The following RIC8B variants were observed in gnomAD, a reference collection of about 807,000 sequenced individuals.
RIC8B encodes RIC8 guanine nucleotide exchange factor B, also known as chaperone Ric-8B.
A neutral mutation model predicts 57.5 loss-of-function variants in RIC8B; 16 were observed. The ratio of observed to expected loss-of-function variants is 0.28; its 90% confidence interval spans 0.19 to 0.42. The LOEUF is 0.42. Among genes scored for constraint, RIC8B ranks in the 10% least tolerant of loss-of-function variants. RIC8B has a pLI of 1.00. For missense variants in RIC8B, 481 were observed against 677.0 expected, an observed-to-expected ratio of 0.71 and a Z score of 3.21; for synonymous variants, 216 against 250.8, an observed-to-expected ratio of 0.86 and a Z score of 1.31.
rs562335743 is a variant in RIC8B at position 106,860,395 on chromosome 12, C to T, written c.1434C>T (p.Tyr478=). The T allele has an allele frequency of 2.5e-6, 4 of 1,569,980 alleles. No individual in the cohort carries two copies. The highest frequency in any genetic ancestry group is 4.7e-5 in the East Asian group (2 of 42,216). Residue 478 remains tyrosine, a synonymous_variant, in exon 8 of 10, where the codon TAC becomes TAT. Coordinates refer to ENST00000392837, the MANE Select transcript of RIC8B (RefSeq NM_001330145.2). ...SEDEDTDTEE[Y]KNAKPNINLI... ...ATGAGGACACAGACACTGAAGAATACAAAAATGCAAAACCAAAGTATAGTA... is the reference window on the plus strand; with the variant it reads ...ATGAGGACACAGACACTGAAGAATATAAAAATGCAAAACCAAAGTATAGTA...
intron 2 of RIC8B, among the ~76,000 whole-genome samples, chr12:106,797,413 G>T (rs542199777): frequency 1.4e-4 from 21 of 152,166 alleles, no homozygotes; most frequent in Non-Finnish European, 2.4e-4. Flanking sequence ...GCCACAGATT[G>T]TATGATTTTA....
chr12:106,832,034 C>G (rs942837866), intron 4 of RIC8B, among the ~76,000 whole-genome samples: 1 of 152,154 alleles, frequency 6.6e-6, no homozygotes, highest in Non-Finnish European at 1.5e-5. Context: ...CTTGCTCTGT[C>G]TACTGCGTGG....
In RIC8B at chr12:106,883,739, T is replaced by G. The variant is rs770584148; in HGVS notation, c.1572-2165T>G. 1.5e-3 allele frequency among the ~76,000 whole-genome samples: 227 copies of G among 152,132 alleles called. 1 individual carries two copies. Among genetic ancestry groups the G allele is most frequent in the Middle Eastern group, 3.4e-3 (1 of 294 alleles). ...TGACCCCCCTAATGACTTGTCTATC[T>G]GCCACCAATTCCAATGTGTCTATCA... On this transcript the variant is annotated intron_variant, in intron 9 of 9. Transcript: ENST00000392837.
chr12:106,797,787 A>G (rs7306633), intron 2 of RIC8B, among the ~76,000 whole-genome samples: 1,995 of 152,274 alleles, frequency 0.013, 53 homozygotes, highest in African/African-American at 0.046. Flanking sequence ...AATTTTGCTT[A>G]TTTTACAGAT....
At chr12:106,851,659 T>G (rs184511390) in intron 7 of RIC8B, 65 bp downstream of exon 7, 35 of 1,379,974 alleles carry the variant, frequency 2.5e-5, no homozygotes, top group Non-Finnish European at 7.1e-6. Flanking sequence ...ATTTAATTGA[T>G]AGTGTTAGTA....
intron 2 of RIC8B, chr12:106,797,898 A>G (rs1566049754): frequency 1.3e-5 from 7 of 531,550 alleles, no homozygotes; most frequent in Non-Finnish European, 1.0e-5. Flanking sequence ...CGTGTGCTAC[A>G]CCGTACTGCC....
intron 7 of RIC8B, among the ~76,000 whole-genome samples, chr12:106,852,129 G>A (rs1227921254): frequency 6.6e-6 from 1 of 152,152 alleles, no homozygotes; most frequent in African/African-American, 2.4e-5. Context: ...TAAAATAACT[G>A]TACTACAGTG....
chr12:106,802,306 C>T (rs926174730), intron 2 of RIC8B, among the ~76,000 whole-genome samples: 1 of 152,320 alleles, frequency 6.6e-6, no homozygotes, highest in East Asian at 1.9e-4. Flanking sequence ...TGGGCCACAT[C>T]TCCCAGATGA....
chr12:106,839,111 A>C (rs2046751982), intron 4 of RIC8B, among the ~76,000 whole-genome samples: 1 of 152,174 alleles, frequency 6.6e-6, no homozygotes, highest in African/African-American at 2.4e-5. Flanking sequence ...AACAGTGTGG[A>C]GTTTTCTCAA....
At chr12:106,833,413 C>T (rs1209860695) in intron 4 of RIC8B, among the ~76,000 whole-genome samples, 1 of 151,978 alleles carries the variant, frequency 6.6e-6, no homozygotes, top group Non-Finnish European at 1.5e-5. Context: ...ACCAGCCTGA[C>T]CAACATGGAG....
At chr12:106,802,818 C>T (rs1241603412) in intron 2 of RIC8B, among the ~76,000 whole-genome samples, 1 of 151,908 alleles carries the variant, frequency 6.6e-6, no homozygotes, top group Non-Finnish European at 1.5e-5. Context: ...ATCTGGGAGT[C>T]AGTTTTCATA....
chr12:106,798,960 T>C (rs2044609267), intron 2 of RIC8B, among the ~76,000 whole-genome samples: 1 of 152,254 alleles, frequency 6.6e-6, no homozygotes, highest in Non-Finnish European at 1.5e-5. Context: ...CATGTTCTTT[T>C]ATATCTCACT....
chr12:106,868,313 TGAG>T (rs1425825489), intron 8 of RIC8B: 5 of 456,798 alleles, frequency 1.1e-5, no homozygotes, highest in Non-Finnish European at 2.2e-5. Flanking sequence ...CCATTGAATT[TGAG>T]GAGAGAAGCC....
rs200901854 is a variant in RIC8B at position 106,885,997 on chromosome 12, C to T, written c.1665C>T (p.Thr555=). 2.7e-4 allele frequency: 438 copies of T among 1,611,762 alleles called. 5 individuals carry two copies. In the South Asian group the frequency reaches 4.6e-3, roughly 17 times the overall value. ...ALNQYSVIEE[T]SSDTD ...ACCAGTACTCTGTCATCGAAGAGACCAGCTCTGACACAGACTAAAAGCATC... is the reference window on the plus strand; with the variant it reads ...ACCAGTACTCTGTCATCGAAGAGACTAGCTCTGACACAGACTAAAAGCATC... Residue 555 remains threonine, a synonymous_variant, in exon 10 of 10, where the codon ACC becomes ACT. Coordinates refer to ENST00000392837, the MANE Select transcript of RIC8B (RefSeq NM_001330145.2).
rs142167073 is a variant in RIC8B at position 106,877,743 on chromosome 12, G to A, written c.1571+6801G>A. 6.6e-5 allele frequency among the ~76,000 whole-genome samples: 10 copies of A among 152,156 alleles called. No homozygotes were observed. In the East Asian group the frequency reaches 9.6e-4, roughly 15 times the overall value. ...ACTATTTACCAAAGTTGCTCAACCCGCAGCCCAGGACGCTTTTGAATGCGG... is the reference window on the plus strand; with the variant it reads ...ACTATTTACCAAAGTTGCTCAACCCACAGCCCAGGACGCTTTTGAATGCGG... On this transcript the variant is annotated intron_variant, in intron 9 of 9. Transcript: ENST00000392837.
At chr12:106,779,205 G>T (rs1253283803) in intron 1 of RIC8B, among the ~76,000 whole-genome samples, 1 of 150,270 alleles carries the variant, frequency 6.7e-6, no homozygotes, top group Non-Finnish European at 1.5e-5. Flanking sequence ...GAGCCACTGA[G>T]CCTGGCTGGG....
chr12:106,860,481 C>A, intron 8 of RIC8B, 69 bp downstream of exon 8: 1 of 1,181,932 alleles, frequency 8.5e-7, no homozygotes, highest in Admixed American at 3.2e-5. Flanking sequence ...CTTTGTCTTT[C>A]ATTTTCCAAG....
chr12:106,827,475 T>G (rs1343617348), intron 4 of RIC8B, among the ~76,000 whole-genome samples: 1 of 152,200 alleles, frequency 6.6e-6, no homozygotes, highest in Non-Finnish European at 1.5e-5. Flanking sequence ...AAGTGAAACA[T>G]ATGCTTAATT....
rs886941977 is a variant in RIC8B at position 106,825,671 on chromosome 12, C to G, written c.742-55C>G. On this transcript the variant is annotated intron_variant, in intron 3 of 9. Transcript: ENST00000392837. ...CAAGAGATGTAGTAAAGTAGCAGACCCCACTGTTCAGGCATTCAACCCCCA... is the reference window on the plus strand; with the variant it reads ...CAAGAGATGTAGTAAAGTAGCAGACGCCACTGTTCAGGCATTCAACCCCCA... 8 of 1,295,108 alleles carry G rather than the reference C, an allele frequency of 6.2e-6. No individual in the cohort carries two copies. The African/African-American group carries it at 1.2e-4, about 19-fold the overall frequency. 80.2% of individuals were successfully genotyped at this position (1,295,108 alleles called of 1,614,324 possible). A position where few individuals can be genotyped will look rare whatever the true frequency, so the allele number is the denominator to read the frequency against.
Sources: gnomAD v4.1 joint callset for allele counts (sites outside exome capture counted in the v4.1 genomes callset) on GRCh38, gnomAD v4.1.1 for gene constraint, MANE v1.5 for transcripts, NCBI Gene and HGNC (gene_info 2026-07-23, HGNC 2026-07-21) for gene names.